MASP2: variants seen among roughly 807,000 people sequenced by gnomAD.
MASP2 encodes the protein mannan-binding lectin serine protease 2.
In MASP2, 49 loss-of-function variants were observed where a neutral mutation model predicts 57.1. That is an observed-to-expected ratio of 0.86 (90% CI 0.68 to 1.09). The LOEUF is 1.09. Ranked by LOEUF, MASP2 falls within the 50% of genes least tolerant of loss-of-function variation. The pLI is 0.00. For synonymous variants in MASP2, 379 were observed against 340.8 expected (o/e 1.11, Z -1.24); for missense variants, 900 against 874.8 (o/e 1.03, Z -0.36).
At chr1:11,038,557 G>C (rs1025777996) in intron 6 of MASP2, among the ~76,000 whole-genome samples, 1 of 152,156 alleles carries the variant, frequency 6.6e-6, no homozygotes, top group South Asian at 2.1e-4. Flanking sequence ...AAAACCCACT[G>C]GTCAGTTTCG....
intron 8 of MASP2, 75 bp from the exon 9 acceptor site, chr1:11,030,957 CT>C: frequency 1.3e-6 from 2 of 1,492,336 alleles, no homozygotes; most frequent in Non-Finnish European, 1.8e-6. Context: ...GGAGAAGCAC[CT>C]TTGGGAGGCT....
chr1:11,042,084 T>G (rs996389970), intron 6 of MASP2, among the ~76,000 whole-genome samples: 1 of 149,608 alleles, frequency 6.7e-6, no homozygotes, highest in Non-Finnish European at 1.5e-5. Context: ...ATAAGATTGG[T>G]AGGTAGAAGG....
chr1:11,027,750 AATTAT>A (rs1363129682), intron 10 of MASP2, 102 bp from the exon 11 acceptor site: 16 of 1,258,416 alleles, frequency 1.3e-5, no homozygotes, highest in Non-Finnish European at 1.8e-5. Context: ...GTCAACCAAA[AATTAT>A]ATTACATGAA....
intron 4 of MASP2, 88 bp downstream of exon 4, chr1:11,045,320 C>T (rs543480092): frequency 4.4e-6 from 7 of 1,595,872 alleles, no homozygotes; most frequent in East Asian, 2.2e-5. Flanking sequence ...CCCAGGCCCT[C>T]CGCACCCCTG....
chr1:11,043,510 G>C lies in MASP2; in HGVS notation c.570C>G (p.Thr190=). Residue 190 remains threonine, a synonymous_variant, in exon 5 of 11, where the codon ACC becomes ACG. Transcript: ENST00000400897. ...CSALCSGQVF[T]QRSGELSSPE... is the part of the protein sequence containing the mutation. ...GGCTGCTGAGCTCCCCAGACCTCTGGGTGAAGACCTGGCCGGAGCACAGGG... is the reference window on the plus strand; with the variant it reads ...GGCTGCTGAGCTCCCCAGACCTCTGCGTGAAGACCTGGCCGGAGCACAGGG... 1.2e-6 allele frequency: 2 copies of C among 1,605,158 alleles called. No individual in the cohort carries two copies. The highest frequency in any genetic ancestry group is 2.2e-5 in the East Asian group (1 of 44,724).
At chr1:11,036,100 C>T (rs573286090) in intron 7 of MASP2, among the ~76,000 whole-genome samples, 16 of 152,228 alleles carry the variant, frequency 1.1e-4, no homozygotes, top group African/African-American at 3.1e-4. Context: ...AAACATTTTT[C>T]GACTTGCTAA....
intron 4 of MASP2, 78 bp downstream of exon 4, chr1:11,045,330 G>A (rs1638598812): frequency 1.9e-6 from 3 of 1,601,580 alleles, no homozygotes; most frequent in Non-Finnish European, 2.6e-6. Context: ...CCGCACCCCT[G>A]GGCAGAGCAG....
In MASP2 at chr1:11,034,921, A is replaced by G. The variant is rs746510321; in HGVS notation, c.1009-15T>C. Reference sequence around the variant, plus strand: ...GGCAAGTGACCCTAAAGAAGAATTCAGAATATATTAATTTCCTTGTTTATA... The same window carrying G: ...GGCAAGTGACCCTAAAGAAGAATTCGGAATATATTAATTTCCTTGTTTATA... On this transcript the variant is annotated splice_polypyrimidine_tract_variant and intron_variant, in intron 7 of 10. Transcript: ENST00000400897. 20 of 1,562,346 alleles carry G rather than the reference A, an allele frequency of 1.3e-5. No homozygotes were observed. Among genetic ancestry groups the G allele is most frequent in the Non-Finnish European group, 1.3e-5 (15 of 1,138,728 alleles).
chr1:11,041,690 T>TATGGGTGAGTGGATGG (rs1638449074), intron 6 of MASP2, among the ~76,000 whole-genome samples: 1 of 9,010 alleles, frequency 1.1e-4, no homozygotes, highest in Non-Finnish European at 2.3e-4. Context: ...TGGCTGGAAG[T>TATGGGTGAGTGGATGG]ATGGGTGAGT....
At chr1:11,033,323 C>T (rs1643866544) in intron 8 of MASP2, among the ~76,000 whole-genome samples, 1 of 148,252 alleles carries the variant, frequency 6.7e-6, no homozygotes, top group African/African-American at 2.5e-5. Context: ...AACAAAACTG[C>T]GTCTCCAAAA....
chr1:11,036,114 A>C (rs1643884246), intron 7 of MASP2, among the ~76,000 whole-genome samples: 1 of 152,198 alleles, frequency 6.6e-6, no homozygotes, highest in African/African-American at 2.4e-5. Context: ...TTGCTAAGAT[A>C]ATGTTTTTCT....
At chr1:11,036,147 G>C (rs1034117207) in intron 7 of MASP2, among the ~76,000 whole-genome samples, 1 of 152,150 alleles carries the variant, frequency 6.6e-6, no homozygotes, top group African/African-American at 2.4e-5. Flanking sequence ...TAAAATAAAA[G>C]AAGATGGCTT....
chr1:11,028,187 C>T (rs1025946292), intron 10 of MASP2, among the ~76,000 whole-genome samples: 23 of 151,928 alleles, frequency 1.5e-4, no homozygotes, highest in Non-Finnish European at 2.1e-4. Flanking sequence ...CACCACTGCA[C>T]TCTAGCCTGG....
chr1:11,035,752 C>T (rs1040189618), intron 7 of MASP2, among the ~76,000 whole-genome samples: 16 of 152,046 alleles, frequency 1.1e-4, no homozygotes, highest in Non-Finnish European at 2.9e-5. Context: ...AAAAGTTAGC[C>T]GGGCGTGTTG....
chr1:11,044,366 T>C (rs1210865429), intron 4 of MASP2, among the ~76,000 whole-genome samples: 1 of 152,058 alleles, frequency 6.6e-6, no homozygotes, highest in African/African-American at 2.4e-5. Context: ...CCAGCTGCAG[T>C]GGGGGGCATT....
At chr1:11,034,623 G>A (rs1264304631) in intron 8 of MASP2, among the ~76,000 whole-genome samples, 1 of 149,592 alleles carries the variant, frequency 6.7e-6, no homozygotes, top group East Asian at 2.0e-4. Context: ...GCTTAAGCCT[G>A]GAAAGATAGA....
At chr1:11,037,491 G>T (rs114377430) in intron 7 of MASP2, among the ~76,000 whole-genome samples, 1 of 152,000 alleles carries the variant, frequency 6.6e-6, no homozygotes, top group Non-Finnish European at 1.5e-5. Context: ...AAAAAAGGGC[G>T]GGATTCAGAA....
intron 7 of MASP2, among the ~76,000 whole-genome samples, chr1:11,036,512 A>G (rs1241250233): frequency 1.2e-4 from 4 of 32,924 alleles, no homozygotes; most frequent in African/African-American, 4.1e-4. Flanking sequence ...CTCCGTCTCA[A>G]AAAAAAAAAA....
rs533532133 is a variant in MASP2, at chr1:11,043,857, G to A, written c.545-322C>T. On this transcript the variant is annotated intron_variant, in intron 4 of 10. Transcript: ENST00000400897. ...GGGAGCGTGGTGGTGTCCTGAGCCA[G>A]AGTCGCAACCCCAGGGTAGGGGCTA... Among the ~76,000 whole-genome samples, 13 of 149,782 alleles carry A rather than the reference G, an allele frequency of 8.7e-5. 1 individual carries two copies. The South Asian group carries it at 2.8e-3, about 32-fold the overall frequency.
Sources: gnomAD v4.1 joint callset for allele counts (sites outside exome capture counted in the v4.1 genomes callset) on GRCh38, gnomAD v4.1.1 for gene constraint, MANE v1.5 for transcripts, NCBI Gene and HGNC (gene_info 2026-07-23, HGNC 2026-07-21) for gene names.